PRKG1: variants seen among roughly 807,000 people sequenced by gnomAD.
The protein encoded by PRKG1 is protein kinase cGMP-dependent 1.
In PRKG1, 35 loss-of-function variants were observed where a neutral mutation model predicts 88.1. The observed-to-expected ratio is 0.40, with a 90% confidence interval of 0.30 to 0.53. PRKG1 has a LOEUF of 0.53. Among genes scored for constraint, PRKG1 ranks in the 20% least tolerant of loss-of-function variants. PRKG1 has a pLI of 0.59. For synonymous variants in PRKG1, 303 were observed against 292.5 expected (o/e 1.04, Z -0.37); for missense variants, 540 against 839.8 (o/e 0.64, Z 4.41).
At chr10:51,998,200 G>C (rs1000755145) in intron 5 of PRKG1, among the ~76,000 whole-genome samples, 1 of 151,704 alleles carries the variant, frequency 6.6e-6, no homozygotes, top group Admixed American at 6.6e-5. Flanking sequence ...GGCATTCATG[G>C]TTTTTGTTTG....
intron 3 of PRKG1, among the ~76,000 whole-genome samples, chr10:51,473,144 C>G (rs1840095120): frequency 1.3e-5 from 2 of 151,796 alleles, no homozygotes; most frequent in South Asian, 4.1e-4. Flanking sequence ...TTGCATTTAT[C>G]TATTAAAGAA....
intron 3 of PRKG1, among the ~76,000 whole-genome samples, chr10:51,711,837 G>T (rs933852691): frequency 2.6e-5 from 4 of 152,150 alleles, no homozygotes; most frequent in African/African-American, 9.7e-5. Context: ...TTAATAGATA[G>T]ATCCAGAATG....
At chr10:51,541,751 A>T (rs901873812) in intron 3 of PRKG1, among the ~76,000 whole-genome samples, 1 of 150,852 alleles carries the variant, frequency 6.6e-6, no homozygotes, top group Non-Finnish European at 1.5e-5. Context: ...AAAACAAACT[A>T]TTTTTTTGTA....
At chr10:52,026,981 AC>A (rs554191981) in intron 5 of PRKG1, among the ~76,000 whole-genome samples, 3 of 152,162 alleles carry the variant, frequency 2.0e-5, no homozygotes, top group Non-Finnish European at 4.4e-5. Flanking sequence ...CGTCAAAAAA[AC>A]AATAAAAAGA....
At chr10:52,285,252 T>TA (rs1842091648) in intron 14 of PRKG1, among the ~76,000 whole-genome samples, 1 of 152,114 alleles carries the variant, frequency 6.6e-6, no homozygotes, top group South Asian at 2.1e-4. Flanking sequence ...GCTCGTCTAT[T>TA]CCAGTCACAT....
intron 2 of PRKG1, among the ~76,000 whole-genome samples, chr10:51,206,477 GC>G (rs1032301524): frequency 6.8e-6 from 1 of 146,354 alleles, no homozygotes; most frequent in African/African-American, 2.5e-5. Flanking sequence ...GGGTGACAGA[GC>G]AAAACTCCAT....
chr10:51,414,847 AAAT>A (rs1838195504), intron 2 of PRKG1, among the ~76,000 whole-genome samples: 1 of 152,254 alleles, frequency 6.6e-6, no homozygotes, highest in East Asian at 1.9e-4. Context: ...AAATAACTAA[AAAT>A]TTTAATTGCT....
At chr10:51,308,300 G>C (rs922928246) in intron 2 of PRKG1, among the ~76,000 whole-genome samples, 4 of 152,114 alleles carry the variant, frequency 2.6e-5, no homozygotes, top group Non-Finnish European at 1.5e-5. Flanking sequence ...CTAGAAACAG[G>C]TCTCTGCCTG....
intron 2 of PRKG1, among the ~76,000 whole-genome samples, chr10:51,321,846 T>C (rs1841465168): frequency 6.6e-6 from 1 of 152,200 alleles, no homozygotes. Context: ...ATTGCATGCC[T>C]GGATCAAAAT....
chr10:51,257,554 G>A (rs915518715), intron 2 of PRKG1, among the ~76,000 whole-genome samples: 2 of 152,166 alleles, frequency 1.3e-5, no homozygotes, highest in Non-Finnish European at 2.9e-5. Flanking sequence ...AGGCATGACT[G>A]GATCAATATA....
intron 9 of PRKG1, among the ~76,000 whole-genome samples, chr10:52,163,654 G>A (rs963084139): frequency 2.6e-5 from 4 of 152,010 alleles, no homozygotes; most frequent in Non-Finnish European, 4.4e-5. Context: ...TCAGTGATAG[G>A]GAAGTGACTG....
intron 12 of PRKG1, 37 bp downstream of exon 12, chr10:52,272,518 A>G: frequency 7.0e-7 from 1 of 1,433,034 alleles, no homozygotes; most frequent in Non-Finnish European, 9.8e-7. Flanking sequence ...TATCTCTAAA[A>G]ACAGTTGCCC....
chr10:51,216,747 T>G (rs566366515), intron 2 of PRKG1, among the ~76,000 whole-genome samples: 4 of 152,354 alleles, frequency 2.6e-5, no homozygotes, highest in African/African-American at 9.6e-5. Context: ...GTAGGAATTC[T>G]AAAATGTATT....
intron 2 of PRKG1, among the ~76,000 whole-genome samples, chr10:51,339,540 C>CA (rs1441642954): frequency 6.6e-6 from 1 of 151,078 alleles, no homozygotes; most frequent in Non-Finnish European, 1.5e-5. Flanking sequence ...ATTTAGAAAA[C>CA]AAAAAAGAAA....
intron 5 of PRKG1, among the ~76,000 whole-genome samples, chr10:51,975,657 C>G (rs1180955397): frequency 6.6e-6 from 1 of 151,932 alleles, no homozygotes; most frequent in Non-Finnish European, 1.5e-5. Flanking sequence ...TGTTTTCTAC[C>G]TGAGTCAGGT....
intron 1 of PRKG1, among the ~76,000 whole-genome samples, chr10:51,005,526 G>GA (rs1394503871): frequency 1.3e-5 from 2 of 152,194 alleles, no homozygotes; most frequent in African/African-American, 4.8e-5. Context: ...AAAAGGAAAT[G>GA]AGATGGTTTA....
chr10:52,107,613 T>C (rs890617175), intron 7 of PRKG1, among the ~76,000 whole-genome samples: 1 of 152,186 alleles, frequency 6.6e-6, no homozygotes, highest in Non-Finnish European at 1.5e-5. Context: ...TGTTGCACTT[T>C]GTCTCCTGTC....
Position 52,129,835 on chromosome 10 carries a change from G to A in PRKG1, c.936-4005G>A, listed in dbSNP as rs372452608. On this transcript the variant is annotated intron_variant, in intron 7 of 17. Coordinates refer to ENST00000373980, the MANE Select transcript of PRKG1 (RefSeq NM_006258.4). ...AAGTAAATATAATTTTCATAATGAT[G>A]GACAGTGAATACTTACTGCTCAAAG... Among the ~76,000 whole-genome samples the A allele has an allele frequency of 9.2e-5, 14 of 152,258 alleles. No homozygotes were observed. The East Asian group carries it at 1.7e-3, about 19-fold the overall frequency.
intron 7 of PRKG1, among the ~76,000 whole-genome samples, chr10:52,122,816 A>G (rs1847849852): frequency 6.6e-6 from 1 of 152,238 alleles, no homozygotes; most frequent in Non-Finnish European, 1.5e-5. Context: ...CTAGATAGAA[A>G]GAACAAAAGC....
Sources: gnomAD v4.1 joint callset for allele counts (sites outside exome capture counted in the v4.1 genomes callset) on GRCh38, gnomAD v4.1.1 for gene constraint, MANE v1.5 for transcripts, NCBI Gene and HGNC (gene_info 2026-07-23, HGNC 2026-07-21) for gene names.